Variants in PRKCE observed in about 807,000 individuals in gnomAD.
PRKCE encodes the protein protein kinase C epsilon type.
PRKCE carries 16 observed loss-of-function variants against 85.4 expected under a neutral mutation model. The ratio of observed to expected loss-of-function variants is 0.19; its 90% CI spans 0.13 to 0.28. The LOEUF (loss-of-function observed/expected upper bound fraction) is 0.28. Ranked by LOEUF, PRKCE falls within the 10% of genes least tolerant of loss-of-function variation. The pLI is 1.00. For missense variants in PRKCE, 573 were observed against 975.2 expected, an observed-to-expected ratio of 0.59 and a Z score of 5.49; for synonymous variants, 388 against 371.5, an observed-to-expected ratio of 1.04 and a Z score of -0.51.
intron 1 of PRKCE, among the ~76,000 whole-genome samples, chr2:45,802,259 C>T (rs923623938): frequency 6.6e-6 from 1 of 152,050 alleles, no homozygotes; most frequent in African/African-American, 2.4e-5. Flanking sequence ...CCTATCATTC[C>T]TTCATACATG....
At position 46,086,283 on chromosome 2, in the gene PRKCE, G is replaced by A. The variant is rs747925548; in HGVS notation, c.1513G>A (p.Asp505Asn). The change falls in exon 11 of 15, where the codon GAC becomes AAC. Residue 505 changes from aspartate to asparagine, a missense_variant. This residue lies in a region of PRKCE where 89 missense variants were observed against 154.1 expected (regional missense o/e 0.58). Transcript: ENST00000306156. ...MFQIQRSRKF[D>N]EPRSRFYAAE... is the part of the protein sequence containing the mutation. The stretch of plus-strand genomic sequence containing the variant: ...TCAGATTCAGCGCTCCCGAAAATTC[G>A]ACGAGCCTCGTTCACGGTTCTATGC... 15 of 1,599,566 alleles carry A rather than the reference G, an allele frequency of 9.4e-6. No individual in the cohort carries two copies. Among genetic ancestry groups the A allele is most frequent in the African/African-American group, 1.3e-5 (1 of 74,896 alleles).
At chr2:45,666,147 C>A (rs983989386) in intron 1 of PRKCE, among the ~76,000 whole-genome samples, 3 of 152,170 alleles carry the variant, frequency 2.0e-5, no homozygotes, top group African/African-American at 7.2e-5. Flanking sequence ...GACTACCTAG[C>A]TGGTTTTAAA....
intron 2 of PRKCE, among the ~76,000 whole-genome samples, chr2:45,931,583 G>C (rs1161006809): frequency 1.3e-5 from 2 of 152,158 alleles, no homozygotes; most frequent in East Asian, 3.8e-4. Flanking sequence ...CACCACTGCT[G>C]GTGTTCCAAA....
intron 2 of PRKCE, among the ~76,000 whole-genome samples, chr2:45,971,832 C>G (rs1702130009): frequency 6.6e-6 from 1 of 152,128 alleles, no homozygotes; most frequent in South Asian, 2.1e-4. Flanking sequence ...GTGATGAATA[C>G]ACCATATATT....
At chr2:45,696,275 A>G (rs995580730) in intron 1 of PRKCE, among the ~76,000 whole-genome samples, 2 of 152,132 alleles carry the variant, frequency 1.3e-5, no homozygotes, top group African/African-American at 2.4e-5. Context: ...TTTTTAAATT[A>G]TAAAAAAAGG....
chr2:45,674,227 C>T (rs1050932611), intron 1 of PRKCE, among the ~76,000 whole-genome samples: 1 of 152,150 alleles, frequency 6.6e-6, no homozygotes, highest in African/African-American at 2.4e-5. Context: ...GCCTGGGGCC[C>T]AGCCAGGATT....
At chr2:45,941,005 G>A (rs966350141) in intron 2 of PRKCE, among the ~76,000 whole-genome samples, 3 of 141,644 alleles carry the variant, frequency 2.1e-5, no homozygotes, top group African/African-American at 7.9e-5. Flanking sequence ...GGTGGAGATT[G>A]CAGTGAGCCA....
intron 2 of PRKCE, among the ~76,000 whole-genome samples, chr2:45,881,487 A>G (rs1244434798): frequency 2.6e-5 from 4 of 152,230 alleles, no homozygotes; most frequent in African/African-American, 7.2e-5. Flanking sequence ...TTATAAATAT[A>G]GTGATTGCAG....
At chr2:46,070,701 T>A (rs1470012027) in intron 10 of PRKCE, among the ~76,000 whole-genome samples, 1 of 151,628 alleles carries the variant, frequency 6.6e-6, no homozygotes, top group Non-Finnish European at 1.5e-5. Context: ...TATTGAATGA[T>A]GGTGAGGGTG....
chr2:45,761,391 G>C (rs948615165), intron 1 of PRKCE, among the ~76,000 whole-genome samples: 2 of 149,988 alleles, frequency 1.3e-5, no homozygotes, highest in African/African-American at 4.9e-5. Flanking sequence ...GGTTGGCTTT[G>C]CCTCAATTCC....
At chr2:45,961,083 G>A (rs894314619) in intron 2 of PRKCE, among the ~76,000 whole-genome samples, 2 of 152,190 alleles carry the variant, frequency 1.3e-5, no homozygotes. Flanking sequence ...CAGGAGCTAA[G>A]TCAGCCTTAC....
At chr2:46,048,248 C>A (rs1001814435) in intron 10 of PRKCE, among the ~76,000 whole-genome samples, 1 of 152,134 alleles carries the variant, frequency 6.6e-6, no homozygotes, top group African/African-American at 2.4e-5. Context: ...TCTCTTTGAG[C>A]CTTATTTTCC....
intron 1 of PRKCE, among the ~76,000 whole-genome samples, chr2:45,734,794 G>T (rs371107350): frequency 4.6e-4 from 70 of 152,180 alleles, no homozygotes; most frequent in Non-Finnish European, 8.7e-4. Flanking sequence ...TCCTCCCCAG[G>T]ACTATTGCCT....
At chr2:45,944,508 A>G (rs1044500460) in intron 2 of PRKCE, among the ~76,000 whole-genome samples, 1 of 152,072 alleles carries the variant, frequency 6.6e-6, no homozygotes, top group Non-Finnish European at 1.5e-5. Flanking sequence ...TAGTTTTTTG[A>G]GACAGGGTCT....
At chr2:46,014,146 T>G (rs1176453157) in intron 10 of PRKCE, among the ~76,000 whole-genome samples, 1 of 152,132 alleles carries the variant, frequency 6.6e-6, no homozygotes, top group Non-Finnish European at 1.5e-5. Flanking sequence ...CCAGGGCTAG[T>G]GAGAAAAAGC....
At chr2:46,018,165 AAGG>A (rs1324886409) in intron 10 of PRKCE, among the ~76,000 whole-genome samples, 16 of 152,186 alleles carry the variant, frequency 1.1e-4, no homozygotes, top group Non-Finnish European at 2.2e-4. Flanking sequence ...GTAAGAGAGA[AAGG>A]AGGAAAAAGG....
At chr2:45,711,676 G>A (rs1679649620) in intron 1 of PRKCE, among the ~76,000 whole-genome samples, 1 of 152,190 alleles carries the variant, frequency 6.6e-6, no homozygotes, top group South Asian at 2.1e-4. Flanking sequence ...TCACCAGGCT[G>A]GAGTGCAATG....
At chr2:46,132,137 G>A (rs1674522260) in intron 11 of PRKCE, among the ~76,000 whole-genome samples, 2 of 151,968 alleles carry the variant, frequency 1.3e-5, no homozygotes, top group Non-Finnish European at 2.9e-5. Context: ...GACTGACCAC[G>A]CTCTTTGTTT....
At chr2:46,051,706 A>G (rs1708869409) in intron 10 of PRKCE, among the ~76,000 whole-genome samples, 1 of 152,226 alleles carries the variant, frequency 6.6e-6, no homozygotes, top group Non-Finnish European at 1.5e-5. Context: ...AAATAAAGTG[A>G]GAAACAAATC....
Sources: allele counts gnomAD v4.1 joint callset (sites outside exome capture counted in the v4.1 genomes callset), GRCh38; gene constraint gnomAD v4.1.1; regional missense constraint gnomAD v4.1.1; transcripts MANE v1.5; gene names NCBI Gene and HGNC (gene_info 2026-07-23, HGNC 2026-07-21).